The following USP35 variants were observed in gnomAD, a reference collection of about 807,000 sequenced individuals.
The protein encoded by USP35 is ubiquitin specific peptidase 35.
A neutral mutation model predicts 83.8 loss-of-function variants in USP35; 69 were observed. The observed-to-expected ratio is 0.82, with a 90% CI of 0.68 to 1.01. USP35 has a LOEUF of 1.01. Among genes scored for constraint, USP35 ranks in the 50% least tolerant of loss-of-function variants. USP35 has a pLI of 0.00. For missense variants in USP35, 1,503 were observed against 1,362.5 expected (o/e 1.10, Z -1.62); for synonymous variants, 714 against 589.5 (o/e 1.21, Z -3.06).
the USP35 span, among the ~76,000 whole-genome samples, chr11:78,235,301 C>T: frequency 3.3e-5 from 5 of 151,848 alleles, no homozygotes; most frequent in South Asian, 4.2e-4. Flanking sequence ...TAAAGGCGCC[C>T]GTCACCATGC....
At chr11:78,203,430 C>G (rs182438101) in intron 6 of USP35, among the ~76,000 whole-genome samples, 10 of 152,126 alleles carry the variant, frequency 6.6e-5, no homozygotes, top group Admixed American at 2.0e-4. Context: ...CTGGGCTTCT[C>G]GAACGTTTCC....
chr11:78,231,336 GGTGTGTGT>G, the USP35 span, among the ~76,000 whole-genome samples: 12 of 145,898 alleles, frequency 8.2e-5, no homozygotes, highest in Middle Eastern at 3.5e-3. Context: ...GCGCGTGTGT[GGTGTGTGT>G]GTGTGTGTGT....
rs372651017 is a variant in USP35, at chr11:78,214,054, G to A, written c.*241G>A. On this transcript the variant is annotated 3_prime_UTR_variant, in exon 11 of 11. Transcript: ENST00000529308. ...GTGTCCTGGTTAACTTGAAGCAGCC[G>A]AGATGGGCACACACGGGTCTTTGCC... 6.0e-5 allele frequency: 25 copies of A among 416,770 alleles called. No individual in the cohort carries two copies. Among genetic ancestry groups the A allele is most frequent in the African/African-American group, 2.7e-4 (13 of 48,242 alleles). 25.8% of individuals were successfully genotyped at this position (416,770 alleles called of 1,614,324 possible).
the USP35 span, chr11:78,222,126 G>C: frequency 5.6e-6 from 9 of 1,613,076 alleles, no homozygotes; most frequent in Non-Finnish European, 7.6e-6. Flanking sequence ...CCAAGACTTG[G>C]TGATAGGTGA....
chr11:78,222,041 C>G, the USP35 span: 1 of 1,040,900 alleles, frequency 9.6e-7, no homozygotes, highest in South Asian at 1.3e-5. Context: ...AGGCCAGCTA[C>G]CACATCACTC....
In USP35 at chr11:78,214,732, A is replaced by G. The variant is rs2450134; in HGVS notation, c.*919A>G. 36,250 of 152,238 alleles carry G rather than the reference A, an allele frequency of 0.24. 4,777 individuals carry two copies. The highest frequency in any genetic ancestry group is 0.4 in the East Asian group (2,075 of 5,186). The allele number at this position is 152,238 out of a possible 1,614,324, so 9.4% of individuals were successfully genotyped here. A position where few individuals can be genotyped will look rare whatever the true frequency, so the allele number is the denominator to read the frequency against. ...CAAGAGATTGTTCTTCCTTGGACTC[A>G]GGGGCTGTGATGGCCACTGGGTTTT... On this transcript the variant is annotated 3_prime_UTR_variant, in exon 11 of 11. Coordinates refer to ENST00000529308, the MANE Select transcript of USP35 (RefSeq NM_020798.4).
chr11:78,200,569 G>T (rs1158990536), intron 5 of USP35, 81 bp from the exon 6 acceptor site: 1 of 1,526,788 alleles, frequency 6.5e-7, no homozygotes, highest in Admixed American at 2.0e-5. Flanking sequence ...AGAGAGTGTT[G>T]CGTGCTGTCA....
At chr11:78,203,993 C>A (rs1212199496) in intron 6 of USP35, among the ~76,000 whole-genome samples, 1 of 147,708 alleles carries the variant, frequency 6.8e-6, no homozygotes, top group Non-Finnish European at 1.5e-5. Context: ...CGGGTTCACG[C>A]CATTCTCCTG....
chr11:78,192,313 C>T (rs986174002), intron 1 of USP35, among the ~76,000 whole-genome samples: 13 of 152,182 alleles, frequency 8.5e-5, no homozygotes, highest in African/African-American at 2.4e-4. Flanking sequence ...TCTCCTCACC[C>T]GGGGCTTAGC....
At chr11:78,227,851 C>G in the USP35 span, among the ~76,000 whole-genome samples, 1 of 152,064 alleles carries the variant, frequency 6.6e-6, no homozygotes, top group Non-Finnish European at 1.5e-5. Context: ...CAAACGTAAG[C>G]TCTAGATTTA....
chr11:78,210,304 A>G lies in USP35; in HGVS notation c.2449A>G (p.Thr817Ala), dbSNP rs613303. The G allele has an allele frequency of 5.0e-6, 8 of 1,613,704 alleles. No individual in the cohort carries two copies. The highest frequency in any genetic ancestry group is 2.2e-5 in the East Asian group (1 of 44,892). ...TLLRFSFDLR[T>A]MRRRKILDDV... The stretch of plus-strand genomic sequence containing the variant: ...GCTGCGCTTCTCTTTCGACCTGCGC[A>G]CCATGCGGCGCCGCAAGATCCTGGA... Residue 817 changes from threonine (T) to alanine (A), a missense_variant, in exon 10 of 11, where the codon ACC becomes GCC. By Grantham distance (58) the Thr-to-Ala change is moderately conservative (BLOSUM62 0). Transcript: ENST00000529308.
the USP35 span, chr11:78,221,623 G>T: frequency 7.4e-6 from 8 of 1,075,456 alleles, no homozygotes; most frequent in Admixed American, 1.9e-5. Flanking sequence ...GAACTGAGGG[G>T]TGGGTCCCAG....
chr11:78,195,518 G>A (rs1863117342), intron 1 of USP35, among the ~76,000 whole-genome samples: 1 of 152,140 alleles, frequency 6.6e-6, no homozygotes, highest in African/African-American at 2.4e-5. Context: ...CTCCACAGAG[G>A]TGTCATTTTT....
chr11:78,237,151 A>T, the USP35 span, among the ~76,000 whole-genome samples: 13 of 152,362 alleles, frequency 8.5e-5, no homozygotes, highest in East Asian at 2.5e-3. Flanking sequence ...AGAATTTACC[A>T]GTAAAACCAT....
At position 78,188,925 on chromosome 11, in the gene USP35, G is replaced by A. The variant is rs1033740026; in HGVS notation, c.-243G>A. The stretch of plus-strand genomic sequence containing the variant: ...TCCCCATGCTTCATCCCGCAGCCCC[G>A]GGGCCGCGCCGCAGAGTCGGGCTTC... On this transcript the variant is annotated 5_prime_UTR_variant, in exon 1 of 11. Coordinates refer to ENST00000529308, the MANE Select transcript of USP35 (RefSeq NM_020798.4). 6.1e-6 allele frequency: 6 copies of A among 985,464 alleles called. No individual in the cohort carries two copies. The highest frequency in any genetic ancestry group is 1.1e-4 in the East Asian group (1 of 8,812). The allele number at this position is 985,464 out of a possible 1,614,324, so 61.0% of individuals were successfully genotyped here.
At chr11:78,217,655 C>G (rs1279307059), downstream of USP35, 1 of 152,270 alleles carries the variant, frequency 6.6e-6, no homozygotes, top group African/African-American at 2.4e-5. Context: ...TAAAAACATT[C>G]AGATCCCCCA....
chr11:78,229,339 T>C, the USP35 span, among the ~76,000 whole-genome samples: 29,500 of 151,978 alleles, frequency 0.19, 3,098 homozygotes, highest in East Asian at 0.4. Flanking sequence ...GCAAGCACAT[T>C]AGAAGGCAGG....
In USP35 at chr11:78,196,411, CTG is replaced by C; in HGVS notation, c.167_168del (p.Leu56ProfsTer175). Reference protein sequence around the residue: ...ARLYVGGAEELPRRVGCQLLH... With the variant: ...ARLYVGGAEEXPRRVGCQLLH... ...CCTCTACGTGGGCGGCGCGGAGGAG[CTG>C]CCGCGCCGCGTGGGCTGCCAGCTGC... On this transcript the variant is annotated frameshift_variant, in exon 2 of 11. Transcript: ENST00000529308. LOFTEE classifies it high-confidence loss of function. This position sits in a 1 kb window ranked among gnomAD's most constrained non-coding sequence, Gnocchi z 4.8. The C allele has an allele frequency of 1.5e-6, 2 of 1,316,590 alleles. No individual in the cohort carries two copies. The highest frequency in any genetic ancestry group is 6.8e-5 in the East Asian group (2 of 29,550). 81.6% of individuals were successfully genotyped at this position (1,316,590 alleles called of 1,614,324 possible).
At chr11:78,212,294 CTA>C (rs1421558870) in intron 10 of USP35, among the ~76,000 whole-genome samples, 1 of 152,080 alleles carries the variant, frequency 6.6e-6, no homozygotes, top group Non-Finnish European at 1.5e-5. Flanking sequence ...TTCCATTGGT[CTA>C]TGTGTCTGTT....
Sources: allele counts gnomAD v4.1 joint callset (sites outside exome capture counted in the v4.1 genomes callset), GRCh38; gene constraint gnomAD v4.1.1; non-coding constraint Gnocchi (gnomAD v3.1); transcripts MANE v1.5; gene names NCBI Gene and HGNC (gene_info 2026-07-23, HGNC 2026-07-21).